Variants in CPEB1 observed in about 807,000 individuals in gnomAD.
The protein encoded by CPEB1 is cytoplasmic polyadenylation element-binding protein 1.
A neutral mutation model predicts 65.8 loss-of-function variants in CPEB1; 7 were observed. The observed-to-expected ratio is 0.11, with a 90% CI of 0.06 to 0.20. The LOEUF (loss-of-function observed/expected upper bound fraction) is 0.20. Ranked by LOEUF, CPEB1 falls within the 10% of genes least tolerant of loss-of-function variation. The pLI is 1.00. For missense variants in CPEB1, 551 were observed against 712.2 expected, an observed-to-expected ratio of 0.77 and a Z score of 2.58; for synonymous variants, 262 against 260.0, an observed-to-expected ratio of 1.01 and a Z score of -0.08.
intron 3 of CPEB1, among the ~76,000 whole-genome samples, chr15:82,604,721 G>A (rs1385801575): frequency 6.6e-6 from 1 of 152,102 alleles, no homozygotes; most frequent in Non-Finnish European, 1.5e-5. Flanking sequence ...CAGACATGGA[G>A]ATTATCCAGT....
chr15:82,577,015 A>AC (rs945796994), intron 3 of CPEB1, among the ~76,000 whole-genome samples: 1 of 152,100 alleles, frequency 6.6e-6, no homozygotes, highest in African/African-American at 2.4e-5. Flanking sequence ...ACAGAGTGAG[A>AC]CCCCGTCTCC....
rs569335580 is a variant in CPEB1 at position 82,603,003 on chromosome 15, T to A, written c.271+24190A>T. Among the ~76,000 whole-genome samples, 3 of 152,298 alleles carry A rather than the reference T, an allele frequency of 2.0e-5. No individual in the cohort carries two copies. The South Asian group carries it at 6.2e-4, about 32-fold the overall frequency. On this transcript the variant is annotated intron_variant, in intron 3 of 12. Transcript: ENST00000684509. ...TAAACTTTGTCAGAACTCTGGAAAT[T>A]AAACCAAAAGCTTGCAGAAATCTGG...
intron 3 of CPEB1, chr15:82,572,903 A>C: frequency 1.2e-6 from 1 of 846,004 alleles, no homozygotes; most frequent in Non-Finnish European, 1.7e-6. Context: ...CCTCTTTGCC[A>C]TCTCCTCCCA....
At chr15:82,594,529 AT>A (rs1448204390) in intron 3 of CPEB1, among the ~76,000 whole-genome samples, 5 of 152,074 alleles carry the variant, frequency 3.3e-5, no homozygotes, top group African/African-American at 4.8e-5. Context: ...GGCTGATCTG[AT>A]CTTCTATCTC....
intron 10 of CPEB1, among the ~76,000 whole-genome samples, chr15:82,548,020 CAGT>C (rs1210806787): frequency 1.3e-5 from 2 of 152,130 alleles, no homozygotes; most frequent in African/African-American, 4.8e-5. Context: ...AATTTTAAAA[CAGT>C]GGTGACATTA....
chr15:82,553,833 T>A (rs751661655), intron 7 of CPEB1, 45 bp downstream of exon 7: 1 of 1,331,100 alleles, frequency 7.5e-7, no homozygotes, highest in Non-Finnish European at 1.1e-6. Flanking sequence ...CTGAAAGACA[T>A]GCCCCACCCT....
At chr15:82,545,275 G>A (rs918063410) in intron 12 of CPEB1, among the ~76,000 whole-genome samples, 2 of 152,174 alleles carry the variant, frequency 1.3e-5, no homozygotes, top group African/African-American at 4.8e-5. Flanking sequence ...GCTGATCAGA[G>A]AGATACTTGG....
intron 1 of CPEB1, among the ~76,000 whole-genome samples, chr15:82,642,662 T>C (rs892661869): frequency 6.6e-6 from 1 of 152,202 alleles, no homozygotes; most frequent in Non-Finnish European, 1.5e-5. Context: ...TAACCCCCTC[T>C]ACCATAACTT....
chr15:82,647,821 C>T (rs2047710110), upstream of CPEB1: 3 of 1,281,716 alleles, frequency 2.3e-6, no homozygotes, highest in Non-Finnish European at 3.0e-6. Flanking sequence ...GGCCGGGACG[C>T]GGCCCCGCCC....
At chr15:82,623,284 T>C (rs2045476951) in intron 3 of CPEB1, among the ~76,000 whole-genome samples, 1 of 152,224 alleles carries the variant, frequency 6.6e-6, no homozygotes, top group Non-Finnish European at 1.5e-5. Flanking sequence ...GGGTTATGCA[T>C]GCAACTAGCA....
chr15:82,633,465 C>T (rs1339275347), intron 1 of CPEB1, among the ~76,000 whole-genome samples: 3 of 152,230 alleles, frequency 2.0e-5, no homozygotes, highest in Non-Finnish European at 4.4e-5. Flanking sequence ...CTCTGCCTCC[C>T]GGGTTCAAGT....
intron 4 of CPEB1, among the ~76,000 whole-genome samples, chr15:82,568,161 TCACTTTGGG>T (rs1170024031): frequency 6.6e-6 from 1 of 152,190 alleles, no homozygotes; most frequent in Non-Finnish European, 1.5e-5. Flanking sequence ...AGGAGTTGTG[TCACTTTGGG>T]CACTTTGTAA....
chr15:82,589,200 C>T (rs991043537), intron 3 of CPEB1, among the ~76,000 whole-genome samples: 1 of 152,240 alleles, frequency 6.6e-6, no homozygotes, highest in Non-Finnish European at 1.5e-5. Context: ...AGCCCTGTAC[C>T]TCTTAAACAT....
At chr15:82,602,003 A>C (rs2043160749) in intron 3 of CPEB1, among the ~76,000 whole-genome samples, 1 of 152,244 alleles carries the variant, frequency 6.6e-6, no homozygotes, top group South Asian at 2.1e-4. Flanking sequence ...CAAATTAGTA[A>C]ATTTGACCTA....
intron 3 of CPEB1, among the ~76,000 whole-genome samples, chr15:82,585,954 G>A (rs137996567): frequency 0.018 from 2,674 of 151,494 alleles, 28 homozygotes; most frequent in Non-Finnish European, 0.025. Context: ...TAGGCAACCA[G>A]GATATAAGTG....
At chr15:82,602,225 A>G (rs1396937164) in intron 3 of CPEB1, among the ~76,000 whole-genome samples, 1 of 152,210 alleles carries the variant, frequency 6.6e-6, no homozygotes, top group Non-Finnish European at 1.5e-5. Context: ...AGTCCCAAAT[A>G]CCTGAAAGCT....
At chr15:82,640,025 T>A (rs989805176) in intron 1 of CPEB1, among the ~76,000 whole-genome samples, 6 of 152,238 alleles carry the variant, frequency 3.9e-5, no homozygotes, top group African/African-American at 1.4e-4. Flanking sequence ...TTCCCTTTGA[T>A]GGTTTTTCTC....
intron 12 of CPEB1, among the ~76,000 whole-genome samples, chr15:82,546,004 A>C (rs2035133081): frequency 2.4e-5 from 2 of 83,244 alleles, no homozygotes; most frequent in Admixed American, 9.9e-5. Flanking sequence ...TATCTAAAGT[A>C]TGTCTGTCCC....
intron 1 of CPEB1, among the ~76,000 whole-genome samples, chr15:82,644,612 A>G (rs587615654): frequency 6.6e-6 from 1 of 152,290 alleles, no homozygotes; most frequent in African/African-American, 2.4e-5. Flanking sequence ...TTTAGAAGCA[A>G]GTCAAAGATC....
Sources: gnomAD v4.1 joint callset for allele counts (sites outside exome capture counted in the v4.1 genomes callset) on GRCh38, gnomAD v4.1.1 for gene constraint, MANE v1.5 for transcripts, NCBI Gene and HGNC (gene_info 2026-07-23, HGNC 2026-07-21) for gene names.